The following PLIN2 variants were observed in gnomAD, a reference collection of about 807,000 sequenced individuals.
PLIN2 encodes perilipin 2.
In PLIN2, 33 loss-of-function variants were observed where a neutral mutation model predicts 30.6. The ratio of observed to expected loss-of-function variants is 1.08; its 90% CI spans 0.82 to 1.44. PLIN2 has a LOEUF of 1.44. Ranked by LOEUF, PLIN2 falls within the 40% of genes most tolerant of loss-of-function variation. The probability of loss-of-function intolerance (pLI) is 0.00; values close to 1 mark genes in which losing one functional copy is unlikely to be tolerated. For synonymous variants in PLIN2, 205 were observed against 201.1 expected, an observed-to-expected ratio of 1.02 and a Z score of -0.16; for missense variants, 610 against 531.8, an observed-to-expected ratio of 1.15 and a Z score of -1.45.
chr9:19,121,489 CAA>C (rs375474450), intron 4 of PLIN2, among the ~76,000 whole-genome samples: 31 of 45,254 alleles, frequency 6.9e-4, no homozygotes, highest in Non-Finnish European at 9.3e-4. Flanking sequence ...GACCCTGTCT[CAA>C]AAAAAAAAAA....
rs941892541 is a variant in PLIN2, at chr9:19,127,261, G to A, written c.-23+158C>T. Reference sequence around the variant, plus strand: ...AGGACCTGGAAGCCGCGAGGCGAGCGGGGGGTCTCGGACCATCACCCCCGC... The same window carrying A: ...AGGACCTGGAAGCCGCGAGGCGAGCAGGGGGTCTCGGACCATCACCCCCGC... On this transcript the variant is annotated intron_variant, in intron 1 of 7. Transcript: ENST00000276914. This position sits in a 1 kb window ranked among gnomAD's most constrained non-coding sequence, Gnocchi z 4.3. Among the ~76,000 whole-genome samples the A allele has an allele frequency of 2.6e-5, 4 of 151,924 alleles. No homozygotes were observed. Among genetic ancestry groups the A allele is most frequent in the African/African-American group, 7.3e-5 (3 of 41,348 alleles).
At chr9:19,112,582 C>T (rs1818171593), downstream of PLIN2, among the ~76,000 whole-genome samples, 1 of 151,828 alleles carries the variant, frequency 6.6e-6, no homozygotes, top group Non-Finnish European at 1.5e-5. Context: ...ATTGTGCATG[C>T]CTATGGTCCC....
chr9:19,108,889 C>T (rs907132476), intron 2 of PLIN2: 29 of 152,244 alleles, frequency 1.9e-4, no homozygotes, highest in African/African-American at 6.8e-4. Flanking sequence ...TGTTTGTGGT[C>T]TTATTCCTGC....
chr9:19,111,755 C>T (rs867678126), downstream of PLIN2, among the ~76,000 whole-genome samples: 61 of 152,052 alleles, frequency 4.0e-4, no homozygotes, highest in African/African-American at 1.4e-3. Context: ...AGCCCTATAT[C>T]TTATATAAAC....
At chr9:19,115,179 T>C (rs1276107116), downstream of PLIN2, among the ~76,000 whole-genome samples, 1 of 152,220 alleles carries the variant, frequency 6.6e-6, no homozygotes, top group African/African-American at 2.4e-5. Context: ...GTCCAGTAAG[T>C]TGGCAAACAA....
downstream of PLIN2, among the ~76,000 whole-genome samples, chr9:19,114,158 C>T (rs2131174254): frequency 6.6e-6 from 1 of 152,160 alleles, no homozygotes; most frequent in East Asian, 1.9e-4. Context: ...CAAGTGATCT[C>T]TCCACCTCGG....
rs796713587 is a variant in PLIN2, at chr9:19,121,526, AAAAAG to A, written c.310-366_310-362del. On this transcript the variant is annotated intron_variant, in intron 4 of 7. Coordinates refer to ENST00000276914, the MANE Select transcript of PLIN2 (RefSeq NM_001122.4). ...AAAAAAAAGAGAAGAGAAAAGAAAAAAAAAGAAAAGAAAAGAAGGTAAGTTATATA... is the reference window on the plus strand; with the variant it reads ...AAAAAAAAGAGAAGAGAAAAGAAAAAAAAAGAAAAGAAGGTAAGTTATATA... 1.9e-3 allele frequency among the ~76,000 whole-genome samples: 249 copies of A among 134,202 alleles called. 1 individual carries two copies. Among genetic ancestry groups the A allele is most frequent in the African/African-American group, 6.6e-3 (232 of 35,138 alleles). The allele number at this position is 134,202 out of a possible 152,430, so 88.0% of individuals were successfully genotyped here.
intron 1 of PLIN2, 95 bp from the exon 2 acceptor site, chr9:19,126,543 T>A: frequency 1.2e-6 from 1 of 812,038 alleles, no homozygotes; most frequent in Non-Finnish European, 2.1e-6. Flanking sequence ...TAGAGAAAAA[T>A]GCAGGGTGAG....
At chr9:19,115,384 T>C (rs532238696), downstream of PLIN2, among the ~76,000 whole-genome samples, 1 of 151,756 alleles carries the variant, frequency 6.6e-6, no homozygotes, top group African/African-American at 2.4e-5. Flanking sequence ...CTCGGCTCAC[T>C]GCAAGCTCTG....
Position 19,119,679 on chromosome 9 carries a change from T to G in PLIN2, c.748A>C (p.Ile250Leu), listed in dbSNP as rs1419339908. 1 of 1,604,980 alleles carries G rather than the reference T, an allele frequency of 6.2e-7. No individual in the cohort carries two copies. The highest frequency in any genetic ancestry group is 8.5e-7 in the Non-Finnish European group (1 of 1,174,826). Residue 250 changes from isoleucine to leucine, a missense_variant, in exon 6 of 8, where the codon ATT (isoleucine) becomes CTT (leucine). Transcript: ENST00000276914. Reference protein sequence around the residue: ...KEAKQKSQQTISQLHSTVHLI... With the variant: ...KEAKQKSQQTLSQLHSTVHLI... ...TGAACAGTAGAATGGAGCTGAGAAATGGTCTGTTGGCTTTTTTGCTTAGCT... is the reference window on the plus strand; with the variant it reads ...TGAACAGTAGAATGGAGCTGAGAAAGGGTCTGTTGGCTTTTTTGCTTAGCT...
downstream of PLIN2, among the ~76,000 whole-genome samples, chr9:19,112,243 C>A (rs1818168367): frequency 6.6e-6 from 1 of 152,190 alleles, no homozygotes; most frequent in African/African-American, 2.4e-5. Flanking sequence ...TGAACACTCC[C>A]TGAGGCACAC....
chr9:19,117,790 T>A (rs1818251599), intron 7 of PLIN2, among the ~76,000 whole-genome samples: 1 of 152,064 alleles, frequency 6.6e-6, no homozygotes, highest in Admixed American at 6.6e-5. Context: ...GCTCATTTTT[T>A]GTATTTTTAG....
chr9:19,111,442 A>G (rs929877519), downstream of PLIN2, among the ~76,000 whole-genome samples: 1 of 152,084 alleles, frequency 6.6e-6, no homozygotes, highest in Non-Finnish European at 1.5e-5. Context: ...ACCAATTAAG[A>G]GTATAATTTT....
chr9:19,110,745 G>A (rs1818149916), intron 2 of PLIN2, among the ~76,000 whole-genome samples: 1 of 152,134 alleles, frequency 6.6e-6, no homozygotes, highest in Non-Finnish European at 1.5e-5. Flanking sequence ...CAAAGTGCTG[G>A]GATTACAGGC....
In PLIN2 at chr9:19,116,636, C is replaced by T. The variant is rs765371172; in HGVS notation, c.926G>A (p.Arg309His). ...ESHCAEHIES[R>H]TLAIARNLTQ... ...CAGGTTGCGGGCAATTGCAAGAGTACGTGACTCAATGTGCTAAAAATAAAA... is the reference window on the plus strand; with the variant it reads ...CAGGTTGCGGGCAATTGCAAGAGTATGTGACTCAATGTGCTAAAAATAAAA... The change falls in exon 8 of 8, where the codon CGT becomes CAT. Residue 309 changes from arginine to histidine, a missense_variant. Transcript: ENST00000276914. The T allele has an allele frequency of 4.5e-5, 73 of 1,611,386 alleles. No individual in the cohort carries two copies. In the South Asian group the frequency reaches 5.6e-4, roughly 12 times the overall value.
At chr9:19,118,238 A>C in intron 7 of PLIN2, 83 bp downstream of exon 7, 2 of 1,326,692 alleles carry the variant, frequency 1.5e-6, no homozygotes, top group South Asian at 2.9e-5. Flanking sequence ...GAGTATTCTA[A>C]GACATAGTAT....
At chr9:19,117,695 G>A (rs1470856141) in intron 7 of PLIN2, among the ~76,000 whole-genome samples, 2 of 151,774 alleles carry the variant, frequency 1.3e-5, no homozygotes, top group African/African-American at 4.8e-5. Context: ...TCGGCTCATG[G>A]CAACCTCTGC....
At chr9:19,125,784 A>T (rs111990879) in intron 3 of PLIN2, 1 of 203,238 alleles carries the variant, frequency 4.9e-6, no homozygotes, top group Non-Finnish European at 1.0e-5. Context: ...TTAGCTGGGC[A>T]TGGTGGTGGG....
rs1818217401 is a variant in PLIN2 at position 19,116,130 on chromosome 9, T to C, written c.*118A>G. On this transcript the variant is annotated 3_prime_UTR_variant, in exon 8 of 8. Coordinates refer to ENST00000276914, the MANE Select transcript of PLIN2 (RefSeq NM_001122.4). ...TAATTCAGCTGGAAACAACTACAAT[T>C]GAGGGCCTTTATACTAGCTACTTGC... 1.1e-6 allele frequency: 1 copy of C among 893,920 alleles called. No homozygotes were observed. 55.4% of individuals were successfully genotyped at this position (893,920 alleles called of 1,614,324 possible).
Sources: allele counts gnomAD v4.1 joint callset (sites outside exome capture counted in the v4.1 genomes callset), GRCh38; gene constraint gnomAD v4.1.1; non-coding constraint Gnocchi (gnomAD v3.1); transcripts MANE v1.5; gene names NCBI Gene and HGNC (gene_info 2026-07-23, HGNC 2026-07-21).